Variants in TMEM217 observed in about 807,000 individuals in gnomAD.
TMEM217 encodes chromosome 6 open reading frame 128.
For missense variants in TMEM217, 204 were observed against 248.8 expected (o/e 0.82, Z 1.21); for synonymous variants, 76 against 88.3 (o/e 0.86, Z 0.78).
At chr6:37,257,411 G>A (rs1435442983) in intron 1 of TMEM217, among the ~76,000 whole-genome samples, 157 bp downstream of exon 1, 1 of 152,160 alleles carries the variant, frequency 6.6e-6, no homozygotes, top group Non-Finnish European at 1.5e-5. Flanking sequence ...GTTAAAAATG[G>A]GCCACAACCA....
exon 2 of TMEM217, chr6:37,218,455 G>T (rs1442089725): frequency 8.7e-6 from 14 of 1,612,138 alleles, no homozygotes; most frequent in Non-Finnish European, 9.3e-6. Context: ...GGGATTCCAG[G>T]TGTGAGCCAC....
intron 1 of TMEM217, among the ~76,000 whole-genome samples, chr6:37,232,190 A>G (rs1764240064): frequency 6.6e-6 from 1 of 152,194 alleles, no homozygotes; most frequent in African/African-American, 2.4e-5. Context: ...TTCGTTCCAA[A>G]AAATAGAATT....
intron 1 of TMEM217, among the ~76,000 whole-genome samples, chr6:37,231,621 G>A (rs1296309350): frequency 1.4e-5 from 2 of 145,638 alleles, no homozygotes; most frequent in South Asian, 2.2e-4. Context: ...GCGGTGAGCC[G>A]AGATTGCACC....
intron 1 of TMEM217, among the ~76,000 whole-genome samples, chr6:37,234,804 G>A (rs1341727846): frequency 1.3e-5 from 2 of 151,800 alleles, no homozygotes; most frequent in Non-Finnish European, 2.9e-5. Context: ...AAATAGGAGG[G>A]GAAATAGAAG....
At chr6:37,229,347 T>TTTG (rs977265921) in intron 1 of TMEM217, among the ~76,000 whole-genome samples, 4 of 131,136 alleles carry the variant, frequency 3.1e-5, no homozygotes, top group Admixed American at 7.7e-5. Context: ...TTTTTTTTTT[T>TTTG]TTTTTTTTTT....
chr6:37,234,213 C>T (rs1764363533), intron 1 of TMEM217, among the ~76,000 whole-genome samples: 1 of 151,798 alleles, frequency 6.6e-6, no homozygotes. Flanking sequence ...GATTCTCCTG[C>T]CTCAGCCTCC....
At chr6:37,212,574 C>A (rs763222127) in exon 4 of TMEM217, 1 of 467,556 alleles carries the variant, frequency 2.1e-6, no homozygotes, top group South Asian at 1.5e-5. Flanking sequence ...AGAAAAAGTG[C>A]AGGAGCATGT....
At chr6:37,226,353 C>T (rs1340387854) in intron 1 of TMEM217, among the ~76,000 whole-genome samples, 6 of 125,990 alleles carry the variant, frequency 4.8e-5, no homozygotes, top group African/African-American at 9.3e-5. Context: ...AGTGCAGTGG[C>T]GCTATCTTGG....
chr6:37,220,279 T>TATTTGCCA (rs1763430790), intron 1 of TMEM217, among the ~76,000 whole-genome samples: 1 of 152,224 alleles, frequency 6.6e-6, no homozygotes, highest in Admixed American at 6.5e-5. Context: ...GCTCTGAAGT[T>TATTTGCCA]ATTTGCCAAT....
chr6:37,229,452 C>T (rs190346755), intron 1 of TMEM217, among the ~76,000 whole-genome samples: 1 of 139,246 alleles, frequency 7.2e-6, no homozygotes, highest in East Asian at 2.3e-4. Flanking sequence ...ACTCTATTCT[C>T]CTTCCTCAGC....
chr6:37,239,442 T>A (rs755027509), intron 1 of TMEM217, among the ~76,000 whole-genome samples: 5 of 151,672 alleles, frequency 3.3e-5, no homozygotes, highest in Non-Finnish European at 7.4e-5. Flanking sequence ...GCCACTGAAC[T>A]CCAGTCTGGG....
chr6:37,252,611 G>A (rs199929832), intron 1 of TMEM217, among the ~76,000 whole-genome samples: 6 of 91,426 alleles, frequency 6.6e-5, no homozygotes, highest in African/African-American at 2.6e-4. Context: ...GTGTGTGTAT[G>A]TGTGTGTATA....
intron 1 of TMEM217, among the ~76,000 whole-genome samples, chr6:37,239,773 A>G (rs543561421): frequency 2.0e-5 from 3 of 146,882 alleles, no homozygotes; most frequent in African/African-American, 8.0e-5. Flanking sequence ...CGAACACATT[A>G]TAAAGCTTTA....
chr6:37,249,325 T>G (rs1380214517), intron 1 of TMEM217, among the ~76,000 whole-genome samples: 8 of 152,062 alleles, frequency 5.3e-5, no homozygotes. Flanking sequence ...TTCTTCTTCT[T>G]TTTTTGAGGG....
chr6:37,212,833 G>T, downstream of TMEM217: 1 of 1,078,150 alleles, frequency 9.3e-7, no homozygotes, highest in South Asian at 1.4e-5. Context: ...GACTAGCTCC[G>T]ACTTTGAGTC....
chr6:37,252,639 T>TATATA (rs1562028033), intron 1 of TMEM217, among the ~76,000 whole-genome samples: 68 of 43,142 alleles, frequency 1.6e-3, no homozygotes, highest in Non-Finnish European at 2.3e-3. Flanking sequence ...ATATATATAT[T>TATATA]TTTTTTTTTT....
At chr6:37,257,582 T>C (rs1765829801) in exon 1 of TMEM217, 2 of 375,250 alleles carry the variant, frequency 5.3e-6, no homozygotes, top group African/African-American at 2.1e-5. Context: ...TTCTTCCCTC[T>C]CGCGGGTAGG....
At position 37,217,924 on chromosome 6, in the gene TMEM217, G is replaced by A. The variant is rs546097822; in HGVS notation, c.*498C>T. ...AGAAAGGTGAGTTCACAGAAGTTTTGATAAATCACAATATCCTTTAACTAA... is the reference window on the plus strand; with the variant it reads ...AGAAAGGTGAGTTCACAGAAGTTTTAATAAATCACAATATCCTTTAACTAA... On this transcript the variant is annotated 3_prime_UTR_variant, in exon 2 of 2. Coordinates refer to ENST00000357219, the Ensembl canonical transcript of TMEM217. 94 of 985,994 alleles carry A rather than the reference G, an allele frequency of 9.5e-5. No homozygotes were observed. In the East Asian group the frequency reaches 6.5e-3, roughly 68 times the overall value. The allele number at this position is 985,994 out of a possible 1,614,324, so 61.1% of individuals were successfully genotyped here.
intron 1 of TMEM217, among the ~76,000 whole-genome samples, chr6:37,246,377 T>C (rs1346943930): frequency 6.6e-6 from 1 of 152,182 alleles, no homozygotes; most frequent in Non-Finnish European, 1.5e-5. Context: ...CAGGGCATGC[T>C]CTTCTCATAG....
Sources: gnomAD v4.1 joint callset for allele counts (sites outside exome capture counted in the v4.1 genomes callset) on GRCh38, gnomAD v4.1.1 for gene constraint, MANE v1.5 for transcripts, NCBI Gene and HGNC (gene_info 2026-07-23, HGNC 2026-07-21) for gene names.